Variants in SLC3A2 observed in about 807,000 individuals in gnomAD.
SLC3A2 encodes solute carrier family 3 member 2.
SLC3A2 carries 32 observed loss-of-function variants against 48.5 expected under a neutral mutation model. The ratio of observed to expected loss-of-function variants is 0.66; its 90% CI spans 0.50 to 0.89. The LOEUF is 0.89. Ranked by LOEUF, SLC3A2 falls within the 40% of genes least tolerant of loss-of-function variation. SLC3A2 has a pLI of 0.00. For missense variants in SLC3A2, 587 were observed against 680.7 expected (o/e 0.86, Z 1.53); for synonymous variants, 277 against 288.8 (o/e 0.96, Z 0.41).
At chr11:62,862,518 G>A (rs1332264795) in intron 1 of SLC3A2, among the ~76,000 whole-genome samples, 1 of 151,548 alleles carries the variant, frequency 6.6e-6, no homozygotes, top group Admixed American at 6.6e-5. Flanking sequence ...CCTCCCTATC[G>A]CCACCCCTCC....
chr11:62,867,630 CTCTT>C (rs1415638849), intron 1 of SLC3A2, among the ~76,000 whole-genome samples: 3 of 151,776 alleles, frequency 2.0e-5, no homozygotes, highest in African/African-American at 7.3e-5. Context: ...GGCTGCTTCC[CTCTT>C]TCTTTAAATT....
Position 62,882,042 on chromosome 11 carries a change from C to T in SLC3A2, c.574C>T (p.Leu192Phe), listed in dbSNP as rs764836432. The T allele has an allele frequency of 1.2e-6, 2 of 1,614,204 alleles. No individual in the cohort carries two copies. Among genetic ancestry groups the T allele is most frequent in the Non-Finnish European group, 1.7e-6 (2 of 1,180,032 alleles). The part of the protein sequence containing the change: ...NFGSKEDFDS[L>F]LQSAKKKSIR... ...TGGCTCCAAGGAAGATTTTGACAGT[C>T]TCTTGCAATCGGCTAAAAAAAAGAG... is the stretch of plus-strand genomic sequence containing the variant. The change falls in exon 2 of 9, where the codon CTC becomes TTC. Residue 192 changes from leucine to phenylalanine, a missense_variant. By Grantham distance (22) the Leu-to-Phe change is conservative. Transcript: ENST00000338663.
chr11:62,881,862 G>C lies in SLC3A2; in HGVS notation c.425-31G>C, dbSNP rs750842231. ...GGGAGGTCAGGGGCCTCTCAGAGGG[G>C]CCTCACTTGTTAACCCAGCCCCCAT... On this transcript the variant is annotated intron_variant, in intron 1 of 8. Coordinates refer to ENST00000338663, the MANE Select transcript of SLC3A2 (RefSeq NM_001013251.3). The surrounding 1 kb of genome is among the most constrained non-coding windows in gnomAD (Gnocchi z 4.0). The C allele has an allele frequency of 6.9e-5, 111 of 1,608,350 alleles. No homozygotes were observed. The highest frequency in any genetic ancestry group is 8.8e-5 in the Non-Finnish European group (104 of 1,176,376).
At chr11:62,884,325 A>T in intron 3 of SLC3A2, 132 bp from the exon 4 acceptor site, 1 of 886,492 alleles carries the variant, frequency 1.1e-6, no homozygotes, top group Non-Finnish European at 1.8e-6. Context: ...GGTGGGGAAG[A>T]CCCAGGCAAG....
Position 62,881,457 on chromosome 11 carries a change from G to T in SLC3A2, c.424+10G>T. On this transcript the variant is annotated intron_variant, in intron 1 of 8. Coordinates refer to ENST00000338663, the MANE Select transcript of SLC3A2 (RefSeq NM_001013251.3). The surrounding 1 kb of genome is among the most constrained non-coding windows in gnomAD (Gnocchi z 4.0). Reference sequence around the variant, plus strand: ...GCGGGCAACCTGGCGGGTGAGTGCAGCGCGCCCCCGTCCCGGGTACCTCCG... The same window carrying T: ...GCGGGCAACCTGGCGGGTGAGTGCATCGCGCCCCCGTCCCGGGTACCTCCG... The T allele has an allele frequency of 6.4e-7, 1 of 1,568,024 alleles. No homozygotes were observed. The highest frequency in any genetic ancestry group is 8.6e-7 in the Non-Finnish European group (1 of 1,165,200).
chr11:62,860,185 T>G (rs2085383665), intron 1 of SLC3A2, among the ~76,000 whole-genome samples: 1 of 152,108 alleles, frequency 6.6e-6, no homozygotes. Flanking sequence ...TGATTGACTT[T>G]ACACAAACAT....
At chr11:62,860,305 T>C (rs1310718668) in intron 1 of SLC3A2, among the ~76,000 whole-genome samples, 3 of 151,466 alleles carry the variant, frequency 2.0e-5, no homozygotes, top group Non-Finnish European at 2.9e-5. Context: ...TTCGAGACCA[T>C]CCTGGTTAAC....
chr11:62,861,420 A>G (rs1451433032), intron 1 of SLC3A2, among the ~76,000 whole-genome samples: 1 of 152,120 alleles, frequency 6.6e-6, no homozygotes, highest in African/African-American at 2.4e-5. Flanking sequence ...CACCGTGCCC[A>G]GCTAATCTAT....
chr11:62,869,846 G>A (rs2085492994), intron 1 of SLC3A2, among the ~76,000 whole-genome samples: 1 of 150,536 alleles, frequency 6.6e-6, no homozygotes, highest in Middle Eastern at 3.4e-3. Flanking sequence ...GCAGTGGCGC[G>A]ATCTCGGCTC....
chr11:62,868,942 A>G lies in SLC3A2; in HGVS notation c.113-12077A>G, dbSNP rs553682399. Among the ~76,000 whole-genome samples, 26 of 152,090 alleles carry G rather than the reference A, an allele frequency of 1.7e-4. No homozygotes were observed. The South Asian group carries it at 5.0e-3, about 29-fold the overall frequency. ...TTGAGACGGTCTCATTCTGTCGCCC[A>G]GGCTGGAGTGCAGTGGTGTGATTTC... On this transcript the variant is annotated intron_variant, in intron 1 of 9. Transcript: ENST00000377889.
intron 1 of SLC3A2, chr11:62,871,629 T>C: frequency 1.5e-6 from 1 of 663,824 alleles, no homozygotes; most frequent in Non-Finnish European, 2.8e-6. Context: ...TGGCCTCAAG[T>C]GATCCTCCTG....
chr11:62,882,548 G>A (rs1459507693), intron 2 of SLC3A2: 3 of 276,768 alleles, frequency 1.1e-5, no homozygotes, highest in East Asian at 8.8e-5. Flanking sequence ...GCAGTGGAAC[G>A]ATCTCAGCTT....
upstream of SLC3A2, among the ~76,000 whole-genome samples, chr11:62,876,611 A>AT (rs2085573308): frequency 7.2e-6 from 1 of 138,642 alleles, no homozygotes; most frequent in South Asian, 2.1e-4. Context: ...ATTTTATATT[A>AT]TTTTTTTGAG....
At chr11:62,863,890 G>A (rs2085426129) in intron 1 of SLC3A2, among the ~76,000 whole-genome samples, 1 of 152,132 alleles carries the variant, frequency 6.6e-6, no homozygotes, top group Admixed American at 6.6e-5. Context: ...TGCCATAGGA[G>A]CTTGCCATAA....
chr11:62,866,640 CCCTCCGCAG>C (rs2085456001), intron 1 of SLC3A2, among the ~76,000 whole-genome samples: 1 of 152,152 alleles, frequency 6.6e-6, no homozygotes, highest in Non-Finnish European at 1.5e-5. Flanking sequence ...AGGTGATCCG[CCCTCCGCAG>C]CCTCCCAAAG....
exon 1 of SLC3A2, chr11:62,856,164 G>A (rs1384121221): frequency 3.5e-6 from 3 of 856,650 alleles, no homozygotes; most frequent in Admixed American, 2.7e-5. Context: ...TGAGATCACT[G>A]CCTCACGGCG....
Position 62,881,808 on chromosome 11 carries a change from A to C in SLC3A2, c.425-85A>C. ...TCCCCCTTTGCCCCCTCCCCGTCCC[A>C]CCCTTAGGCGCTGGGAGAAGGGAGG... On this transcript the variant is annotated intron_variant, in intron 1 of 8. Transcript: ENST00000338663. This position sits in a 1 kb window ranked among gnomAD's most constrained non-coding sequence, Gnocchi z 4.0. 10 of 1,492,588 alleles carry C rather than the reference A, an allele frequency of 6.7e-6. No homozygotes were observed. Among genetic ancestry groups the C allele is most frequent in the Non-Finnish European group, 4.6e-6 (5 of 1,096,336 alleles). 92.5% of individuals were successfully genotyped at this position (1,492,588 alleles called of 1,614,324 possible).
chr11:62,857,364 ACCT>A (rs1438162578), intron 1 of SLC3A2, among the ~76,000 whole-genome samples: 1 of 147,176 alleles, frequency 6.8e-6, no homozygotes, highest in Non-Finnish European at 1.5e-5. Flanking sequence ...ACCTCAGGTG[ACCT>A]CCTGCCTCAG....
upstream of SLC3A2, among the ~76,000 whole-genome samples, chr11:62,878,171 A>C (rs519425): frequency 1.5e-4 from 23 of 151,832 alleles, no homozygotes; most frequent in Admixed American, 5.3e-4. Context: ...AAAAAAAAAA[A>C]CAAAAAACAA....
Sources: allele counts gnomAD v4.1 joint callset (sites outside exome capture counted in the v4.1 genomes callset), GRCh38; gene constraint gnomAD v4.1.1; non-coding constraint Gnocchi (gnomAD v3.1); transcripts MANE v1.5; gene names NCBI Gene and HGNC (gene_info 2026-07-23, HGNC 2026-07-21).